ATXN8OS: variants seen among roughly 807,000 people sequenced by gnomAD.
ATXN8OS encodes ATXN8 opposite strand (non-protein coding).
intron 4 of ATXN8OS, among the ~76,000 whole-genome samples, chr13:70,151,346 G>A (rs993655306): frequency 6.6e-6 from 1 of 151,990 alleles, no homozygotes; most frequent in Non-Finnish European, 1.5e-5. Flanking sequence ...ATCTGCTTCT[G>A]AGTTAGACTA....
At chr13:70,141,952 C>G (rs1238984222) in intron 3 of ATXN8OS, among the ~76,000 whole-genome samples, 4 of 152,018 alleles carry the variant, frequency 2.6e-5, no homozygotes, top group Admixed American at 2.6e-4. Context: ...GGCAGGGTCT[C>G]GGCTCACTGC....
intron 2 of ATXN8OS, among the ~76,000 whole-genome samples, chr13:70,116,917 C>A (rs535307796): frequency 6.6e-6 from 1 of 152,160 alleles, no homozygotes; most frequent in South Asian, 2.1e-4. Flanking sequence ...ATAGTCTTGT[C>A]TATCTTTTAC....
intron 4 of ATXN8OS, among the ~76,000 whole-genome samples, chr13:70,152,876 AT>A (rs1449990304): frequency 6.6e-6 from 1 of 152,128 alleles, no homozygotes; most frequent in Admixed American, 6.6e-5. Flanking sequence ...AAAGGCAGAG[AT>A]TACTAGATTA....
chr13:70,149,420 T>C lies in ATXN8OS; in HGVS notation n.573+1992T>C, dbSNP rs1468443910. On this transcript the variant is annotated intron_variant and non_coding_transcript_variant, in intron 4 of 4. Coordinates refer to ENST00000678624, the Ensembl canonical transcript of ATXN8OS. ...CTTCATTAAATGAAATTTAGAGACA[T>C]CGTCAATCATTAAGTTGCATTTAGT... is the stretch of plus-strand genomic sequence containing the variant. Among the ~76,000 whole-genome samples, 5 of 152,146 alleles carry C rather than the reference T, an allele frequency of 3.3e-5. No individual in the cohort carries two copies. In the South Asian group the frequency reaches 6.2e-4, roughly 19 times the overall value.
At chr13:70,143,021 C>T (rs1420767376) in intron 3 of ATXN8OS, among the ~76,000 whole-genome samples, 5 of 151,146 alleles carry the variant, frequency 3.3e-5, no homozygotes, top group South Asian at 4.2e-4. Flanking sequence ...TGCCGTGAGC[C>T]GAGATCGCGC....
At chr13:70,163,803 G>T (rs1889038972) in intron 4 of ATXN8OS, among the ~76,000 whole-genome samples, 2 of 150,562 alleles carry the variant, frequency 1.3e-5, no homozygotes, top group African/African-American at 4.9e-5. Context: ...AAATATCTTT[G>T]AATAGTTTAA....
intron 2 of ATXN8OS, among the ~76,000 whole-genome samples, chr13:70,128,264 T>C (rs1466432145): frequency 6.6e-6 from 1 of 152,168 alleles, no homozygotes; most frequent in African/African-American, 2.4e-5. Flanking sequence ...AAAATGGGCA[T>C]CTAGAATAAC....
intron 3 of ATXN8OS, among the ~76,000 whole-genome samples, chr13:70,133,616 T>C (rs983498518): frequency 1.3e-5 from 2 of 152,174 alleles, no homozygotes; most frequent in Non-Finnish European, 2.9e-5. Context: ...CAATTCCATA[T>C]GACTGCTATT....
intron 2 of ATXN8OS, among the ~76,000 whole-genome samples, chr13:70,126,853 AACAGAT>A (rs772983733): frequency 4.0e-4 from 61 of 151,628 alleles, no homozygotes; most frequent in Non-Finnish European, 6.5e-4. Context: ...TCTATATATC[AACAGAT>A]ACAGAGTTTA....
intron 4 of ATXN8OS, among the ~76,000 whole-genome samples, chr13:70,156,086 A>T (rs678471): frequency 0.23 from 35,487 of 152,018 alleles, 4,408 homozygotes; most frequent in African/African-American, 0.31. Flanking sequence ...ATGAACAGAA[A>T]GAAATTTTTT....
At chr13:70,160,426 C>T (rs1888993403) in intron 4 of ATXN8OS, among the ~76,000 whole-genome samples, 2 of 151,940 alleles carry the variant, frequency 1.3e-5, no homozygotes, top group South Asian at 2.1e-4. Flanking sequence ...CCCACAGATG[C>T]AGTGTCTGGT....
chr13:70,139,564 CA>C, intron 3 of ATXN8OS: 1 of 485,652 alleles, frequency 2.1e-6, no homozygotes, highest in African/African-American at 2.0e-5. Context: ...TACATCCTTC[CA>C]AAAATTATCT....
chr13:70,128,230 T>C (rs1337917264), intron 2 of ATXN8OS, among the ~76,000 whole-genome samples: 1 of 152,188 alleles, frequency 6.6e-6, no homozygotes, highest in African/African-American at 2.4e-5. Flanking sequence ...ATGGCTTTAT[T>C]GCCTGTCTAA....
chr13:70,156,244 AGT>A (rs71784187), intron 4 of ATXN8OS, among the ~76,000 whole-genome samples: 69,978 of 148,992 alleles, frequency 0.47, 18,178 homozygotes, highest in Non-Finnish European at 0.6. Context: ...GGTGGGTATG[AGT>A]GTGTGTGTGT....
intron 3 of ATXN8OS, among the ~76,000 whole-genome samples, chr13:70,145,354 G>A (rs1396872164): frequency 6.6e-6 from 1 of 151,726 alleles, no homozygotes; most frequent in Non-Finnish European, 1.5e-5. Context: ...GGTTCCATAT[G>A]AACTTTAAAG....
At chr13:70,116,635 A>C (rs1382531124) in intron 2 of ATXN8OS, among the ~76,000 whole-genome samples, 1 of 152,160 alleles carries the variant, frequency 6.6e-6, no homozygotes, top group Non-Finnish European at 1.5e-5. Context: ...ATTCTGAATG[A>C]GATGGAAAGC....
At chr13:70,146,059 T>C (rs1593771650) in intron 3 of ATXN8OS, among the ~76,000 whole-genome samples, 1 of 38,450 alleles carries the variant, frequency 2.6e-5, no homozygotes, top group African/African-American at 1.3e-4. Context: ...CTCAAACAAA[T>C]TTACAAGAAA....
At position 70,148,874 on chromosome 13, in the gene ATXN8OS, G is replaced by T. The variant is rs547782638; in HGVS notation, n.573+1446G>T. Among the ~76,000 whole-genome samples the T allele has an allele frequency of 6.6e-5, 10 of 152,244 alleles. No individual in the cohort carries two copies. The South Asian group carries it at 2.1e-3, about 32-fold the overall frequency. On this transcript the variant is annotated intron_variant and non_coding_transcript_variant, in intron 4 of 4. Coordinates refer to ENST00000678624, the Ensembl canonical transcript of ATXN8OS. ...CTTATGCAGAACTGATTTTGGTAAA[G>T]ATTACAGCAGGGTATAGTTTTAGAA...
chr13:70,127,404 A>G (rs1403384535), intron 2 of ATXN8OS, among the ~76,000 whole-genome samples: 1 of 152,114 alleles, frequency 6.6e-6, no homozygotes, highest in Non-Finnish European at 1.5e-5. Flanking sequence ...GATATCATCG[A>G]AAGAATATTA....
Sources: allele counts gnomAD v4.1 joint callset (sites outside exome capture counted in the v4.1 genomes callset), GRCh38; gene constraint gnomAD v4.1.1; transcripts MANE v1.5; gene names NCBI Gene and HGNC (gene_info 2026-07-23, HGNC 2026-07-21).